Variants in MID1 observed in about 807,000 individuals in gnomAD.
MID1 encodes midline 1, also known as E3 ubiquitin-protein ligase Midline-1.
In MID1, 7 loss-of-function variants were observed where a neutral mutation model predicts 40.4. That is an observed-to-expected ratio of 0.17 (90% CI 0.10 to 0.33). The LOEUF is 0.33. Among genes scored for constraint, MID1 ranks in the 10% least tolerant of loss-of-function variants. The pLI, the probability that MID1 is intolerant of heterozygous loss-of-function variation, is 1.00. For missense variants in MID1, 367 were observed against 558.5 expected, an observed-to-expected ratio of 0.66 and a Z score of 3.46; for synonymous variants, 229 against 221.2, an observed-to-expected ratio of 1.04 and a Z score of -0.31.
chrX:10,639,889 C>A (rs974401222), intron 1 of MID1, among the ~76,000 whole-genome samples: 4 of 111,623 alleles, frequency 3.6e-5, no homozygotes, highest in Non-Finnish European at 5.6e-5. Context: ...GAATTTTCAA[C>A]CCAGAATTTC....
At chrX:10,592,051 G>C (rs991015135) in intron 1 of MID1, among the ~76,000 whole-genome samples, 1 of 109,818 alleles carries the variant, frequency 9.1e-6, no homozygotes, top group Non-Finnish European at 1.9e-5. Flanking sequence ...TTGGGAACTC[G>C]TTTTCTTCTT....
At chrX:10,531,590 C>T (rs1342085912) in intron 2 of MID1, among the ~76,000 whole-genome samples, 2 of 112,370 alleles carry the variant, frequency 1.8e-5, no homozygotes, top group African/African-American at 6.5e-5. Context: ...ACCACAGAAT[C>T]TGTTCCATAT....
chrX:10,608,977 A>G (rs1329910294), intron 1 of MID1, among the ~76,000 whole-genome samples: 1 of 112,315 alleles, frequency 8.9e-6, no homozygotes, highest in Non-Finnish European at 1.9e-5. Context: ...TAGATGAAGG[A>G]AAAATATGCT....
At chrX:10,664,092 T>C (rs1008014509) in intron 1 of MID1, among the ~76,000 whole-genome samples, 2 of 110,954 alleles carry the variant, frequency 1.8e-5, no homozygotes, top group Non-Finnish European at 3.8e-5. Flanking sequence ...TGCAAAACTA[T>C]GGTTTTAACT....
intron 1 of MID1, among the ~76,000 whole-genome samples, chrX:10,645,870 G>A (rs766552567): frequency 8.9e-6 from 1 of 111,899 alleles, no homozygotes; most frequent in African/African-American, 3.2e-5. Flanking sequence ...CAACCCAGAT[G>A]TACAGGGAGT....
chrX:10,828,161 G>A (rs1221009001), intron 1 of MID1, among the ~76,000 whole-genome samples: 1 of 111,871 alleles, frequency 8.9e-6, no homozygotes, highest in African/African-American at 3.2e-5. Flanking sequence ...CAGAAGTAGG[G>A]AGCCATTTGA....
intron 1 of MID1, among the ~76,000 whole-genome samples, chrX:10,573,931 C>G (rs1264013386): frequency 9.0e-6 from 1 of 111,591 alleles, no homozygotes; most frequent in Non-Finnish European, 1.9e-5. Flanking sequence ...TTTGTCTTCT[C>G]TACAGGGCTC....
intron 1 of MID1, among the ~76,000 whole-genome samples, chrX:10,585,685 T>TTCTAA (rs1407557317): frequency 2.7e-5 from 3 of 111,323 alleles, no homozygotes; most frequent in African/African-American, 9.8e-5. Context: ...CACTGACCAC[T>TTCTAA]GGTACAGGAA....
At chrX:10,691,923 G>A (rs1046402658) in intron 1 of MID1, among the ~76,000 whole-genome samples, 1 of 111,560 alleles carries the variant, frequency 9.0e-6, no homozygotes, top group Non-Finnish European at 1.9e-5. Flanking sequence ...CGCTCTGGGA[G>A]TGTCTGTCTC....
chrX:10,821,288 C>G lies in MID1; in HGVS notation c.-187+12266G>C, dbSNP rs760290708. ...ATAATCTTTTTTAAGGTAGGGAGAGCCAACCTTTTCTGGAACACCTCACAG... is the reference window on the plus strand; with the variant it reads ...ATAATCTTTTTTAAGGTAGGGAGAGGCAACCTTTTCTGGAACACCTCACAG... On this transcript the variant is annotated intron_variant, in intron 1 of 10. Coordinates refer to the MID1 transcript ENST00000380785. Among the ~76,000 whole-genome samples, 3 of 112,067 alleles carry G rather than the reference C, an allele frequency of 2.7e-5. No homozygotes were observed. In the South Asian group the frequency reaches 1.1e-3, roughly 42 times the overall value.
At chrX:10,568,846 G>T (rs1163425614) in intron 1 of MID1, among the ~76,000 whole-genome samples, 1 of 111,776 alleles carries the variant, frequency 8.9e-6, no homozygotes, top group Admixed American at 9.4e-5. Context: ...GAACCAAGCC[G>T]CTTTGAACCT....
intron 1 of MID1, among the ~76,000 whole-genome samples, chrX:10,704,733 T>TACACACACACAC (rs1477790300): frequency 3.7e-5 from 3 of 81,577 alleles, no homozygotes; most frequent in African/African-American, 1.2e-4. Flanking sequence ...TATATATATA[T>TACACACACACAC]ATATATACAC....
At chrX:10,485,202 T>C (rs1419056243) in intron 4 of MID1, among the ~76,000 whole-genome samples, 1 of 111,830 alleles carries the variant, frequency 8.9e-6, no homozygotes. Context: ...ATATTTGTTA[T>C]CTGGCCCTTG....
rs149671757 is a variant in MID1, at chrX:10,561,005, G to A, written c.660+5883C>T. On this transcript the variant is annotated intron_variant, in intron 2 of 9. Coordinates refer to ENST00000317552, the MANE Select transcript of MID1 (RefSeq NM_000381.4). ...CAGTAACCAAAAACAGCAGGGTACTGGTACCAAAACAGATATATAGACCAA... is the reference window on the plus strand; with the variant it reads ...CAGTAACCAAAAACAGCAGGGTACTAGTACCAAAACAGATATATAGACCAA... Among the ~76,000 whole-genome samples, 311 of 106,574 alleles carry A rather than the reference G, an allele frequency of 2.9e-3. 14 individuals are homozygous for A. The highest frequency in any genetic ancestry group is 9.9e-3 in the East Asian group (35 of 3,539). 92.5% of individuals were successfully genotyped at this position (106,574 alleles called of 115,157 possible).
intron 1 of MID1, among the ~76,000 whole-genome samples, chrX:10,817,605 CT>C (rs1368845007): frequency 2.0e-5 from 1 of 50,935 alleles, no homozygotes; most frequent in East Asian, 5.2e-4. Context: ...TCTTTCTTTT[CT>C]TTTTTCTTTC....
At position 10,533,472 on chromosome X, in the gene MID1, T is replaced by TAAAA. The variant is rs201138973; in HGVS notation, c.661-10289_661-10286dup. 3.4e-3 allele frequency among the ~76,000 whole-genome samples: 314 copies of TAAAA among 91,394 alleles called. 3 individuals are homozygous for TAAAA. The highest frequency in any genetic ancestry group is 0.011 in the African/African-American group (278 of 24,956). 79.4% of individuals were successfully genotyped at this position (91,394 alleles called of 115,157 possible). On this transcript the variant is annotated intron_variant, in intron 2 of 9. Transcript: ENST00000317552. ...AAATCCCTGGTATCCATGTGGATGG[T>TAAAA]AAAAAAAAAAAAACAGTCCATGTAG...
At chrX:10,797,867 C>T (rs1428481694) in intron 1 of MID1, among the ~76,000 whole-genome samples, 1 of 111,680 alleles carries the variant, frequency 9.0e-6, no homozygotes. Flanking sequence ...CCAGTGCAGT[C>T]CAGTCAATCC....
At chrX:10,803,588 T>C (rs946907634) in intron 1 of MID1, among the ~76,000 whole-genome samples, 3 of 111,462 alleles carry the variant, frequency 2.7e-5, no homozygotes, top group African/African-American at 9.8e-5. Context: ...CCTGACCTTG[T>C]GATCTGCCCG....
At chrX:10,622,185 T>C (rs1371159023), upstream of MID1, among the ~76,000 whole-genome samples, 1 of 110,139 alleles carries the variant, frequency 9.1e-6, no homozygotes, top group Non-Finnish European at 1.9e-5. Context: ...CAAAGGACTC[T>C]GATTTACTTT....
Sources: allele counts gnomAD v4.1 joint callset (sites outside exome capture counted in the v4.1 genomes callset), GRCh38; gene constraint gnomAD v4.1.1; transcripts MANE v1.5; gene names NCBI Gene and HGNC (gene_info 2026-07-23, HGNC 2026-07-21).